The following WDR33 variants were observed in gnomAD, a reference collection of about 807,000 sequenced individuals.
The protein encoded by WDR33 is pre-mRNA 3' end processing protein WDR33.
WDR33 carries 47 observed loss-of-function variants against 164.9 expected under a neutral mutation model. The ratio of observed to expected loss-of-function variants is 0.29; its 90% confidence interval spans 0.23 to 0.36. The LOEUF (loss-of-function observed/expected upper bound fraction) is 0.36. WDR33 is among the 10% of genes least tolerant of loss of function. The pLI is 1.00. For synonymous variants in WDR33, 505 were observed against 589.0 expected (o/e 0.86, Z 2.06); for missense variants, 1,137 against 1,754.1 (o/e 0.65, Z 6.28).
At chr2:127,771,850 A>G (rs559796364) in intron 1 of WDR33, among the ~76,000 whole-genome samples, 1 of 152,230 alleles carries the variant, frequency 6.6e-6, no homozygotes, top group Non-Finnish European at 1.5e-5. Context: ...GCTAAGAGGC[A>G]TTTGATGTAA....
At chr2:127,733,845 T>C (rs1686771279) in intron 7 of WDR33, among the ~76,000 whole-genome samples, 1 of 152,232 alleles carries the variant, frequency 6.6e-6, no homozygotes, top group Non-Finnish European at 1.5e-5. Context: ...TATCTTTCAA[T>C]GATACCAGAG....
intron 1 of WDR33, among the ~76,000 whole-genome samples, chr2:127,803,947 CAAAAA>C (rs559652976): frequency 1.6e-5 from 1 of 61,908 alleles, no homozygotes; most frequent in Non-Finnish European, 3.4e-5. Flanking sequence ...GACCCAGTCT[CAAAAA>C]AAAAAAAAAA....
intron 7 of WDR33, among the ~76,000 whole-genome samples, chr2:127,756,776 C>T (rs898051731): frequency 6.6e-6 from 1 of 152,044 alleles, no homozygotes; most frequent in African/African-American, 2.4e-5. Flanking sequence ...AGGGATTTGT[C>T]ACTGCTAAGA....
chr2:127,718,695 G>C lies in WDR33; in HGVS notation c.2760+570C>G, dbSNP rs1243373085. Among the ~76,000 whole-genome samples the C allele has an allele frequency of 6.6e-6, 1 of 152,194 alleles. No individual in the cohort carries two copies. The highest frequency in any genetic ancestry group is 1.5e-5 in the Non-Finnish European group (1 of 68,042). Reference sequence around the variant, plus strand: ...TTCATCCAAAGGGTCACCATTTCCAGAATGCTCAATTCTGGAATAACAGTC... The same window carrying C: ...TTCATCCAAAGGGTCACCATTTCCACAATGCTCAATTCTGGAATAACAGTC... On this transcript the variant is annotated intron_variant, in intron 16 of 21. Coordinates refer to ENST00000322313, the MANE Select transcript of WDR33 (RefSeq NM_018383.5). The surrounding 1 kb of genome is among the most constrained non-coding windows in gnomAD (Gnocchi z 4.4).
chr2:127,795,976 A>G (rs1312185364), intron 1 of WDR33, among the ~76,000 whole-genome samples: 1 of 151,962 alleles, frequency 6.6e-6, no homozygotes, highest in Non-Finnish European at 1.5e-5. Context: ...GTTGCCTAAG[A>G]TATTTTGGGG....
chr2:127,706,363 G>A lies in WDR33; in HGVS notation c.3971C>T (p.Pro1324Leu), dbSNP rs373017355. Residue 1324 changes from proline to leucine, a missense_variant, in exon 22 of 22, where the codon CCG becomes CTG. Pro to Leu is a moderately conservative substitution (Grantham distance 98). Around this residue, in one of 9 missense-constraint regions of WDR33, gnomAD observed 867 missense variants for 1,073.0 expected, o/e 0.81. Transcript: ENST00000322313. This position sits in a 1 kb window ranked among gnomAD's most constrained non-coding sequence, Gnocchi z 5.1. The part of the protein sequence containing the change: ...GRGSNMNSGP[P>L]RRGASRGGGR... ...ACCACCCCGTGAAGCTCCTCGCCTC[G>A]GCGGGCCAGAGTTCATGTTACTCCC... 46 of 1,600,664 alleles carry A rather than the reference G, an allele frequency of 2.9e-5. No individual in the cohort carries two copies. Among genetic ancestry groups the A allele is most frequent in the South Asian group, 1.0e-4 (9 of 89,266 alleles).
At position 127,783,342 on chromosome 2, in the gene WDR33, C is replaced by A. The variant is rs143136122; in HGVS notation, c.-23-12338G>T. Among the ~76,000 whole-genome samples the A allele has an allele frequency of 7.3e-3, 1,115 of 152,246 alleles. 9 individuals are homozygous for A. The highest frequency in any genetic ancestry group is 0.012 in the Non-Finnish European group (842 of 68,034). On this transcript the variant is annotated intron_variant, in intron 1 of 21. Coordinates refer to ENST00000322313, the MANE Select transcript of WDR33 (RefSeq NM_018383.5). ...GTCTTCCTCATTAGAAGTAATAACT[C>A]AGTATTTCAAAAGTGTGATACTAGG...
At chr2:127,742,639 G>C (rs566097091) in intron 7 of WDR33, among the ~76,000 whole-genome samples, 1 of 150,494 alleles carries the variant, frequency 6.6e-6, no homozygotes, top group African/African-American at 2.4e-5. Flanking sequence ...CCAATACTTA[G>C]AGAAAGGGCA....
chr2:127,762,769 A>G, intron 7 of WDR33: 1 of 1,145,652 alleles, frequency 8.7e-7, no homozygotes, highest in Non-Finnish European at 1.1e-6. Context: ...CCCTGGCTAC[A>G]AGGAAGGAAA....
rs1341166262 is a variant in WDR33 at position 127,706,154 on chromosome 2, G to C, written c.*169C>G. 4 of 503,344 alleles carry C rather than the reference G, an allele frequency of 7.9e-6. No individual in the cohort carries two copies. The highest frequency in any genetic ancestry group is 1.3e-5 in the Non-Finnish European group (4 of 306,094). 31.2% of individuals were successfully genotyped at this position (503,344 alleles called of 1,614,324 possible). Reference sequence around the variant, plus strand: ...ACAGGGCCAGCCAGGCTGGTAGCTGGCAGCAGTCTCTTCATCTTGAAGACC... The same window carrying C: ...ACAGGGCCAGCCAGGCTGGTAGCTGCCAGCAGTCTCTTCATCTTGAAGACC... On this transcript the variant is annotated 3_prime_UTR_variant, in exon 22 of 22. Transcript: ENST00000322313. This position sits in a 1 kb window ranked among gnomAD's most constrained non-coding sequence, Gnocchi z 5.1.
chr2:127,762,665 C>G (rs1476179298), intron 7 of WDR33: 6 of 1,006,062 alleles, frequency 6.0e-6, no homozygotes, highest in African/African-American at 1.7e-5. Flanking sequence ...TTTGATACCT[C>G]TATCTTGTCG....
At position 127,719,953 on chromosome 2, in the gene WDR33, C is replaced by A; in HGVS notation, c.2072G>T (p.Gly691Val). 6.2e-7 allele frequency: 1 copy of A among 1,613,954 alleles called. No individual in the cohort carries two copies. Among genetic ancestry groups the A allele is most frequent in the South Asian group, 1.1e-5 (1 of 91,090 alleles). Residue 691 changes from glycine to valine, a missense_variant, in exon 16 of 22, where the codon GGG becomes GTG. By Grantham distance (109) the Gly-to-Val change is moderately radical (BLOSUM62 -3). Around this residue, in one of 9 missense-constraint regions of WDR33, gnomAD observed 867 missense variants for 1,073.0 expected, o/e 0.81. Transcript: ENST00000322313. This position sits in a 1 kb window ranked among gnomAD's most constrained non-coding sequence, Gnocchi z 6.5. Reference sequence around the variant, plus strand: ...AGAACTACCTTGTGGTCCAGGTGGCCCTTGAGGTCCCAAAGGGCCATGAGG... The same window carrying A: ...AGAACTACCTTGTGGTCCAGGTGGCACTTGAGGTCCCAAAGGGCCATGAGG... ...PGPHGPLGPQ[G>V]PPGPQGSSGP...
At chr2:127,733,821 C>A (rs1272072504) in intron 7 of WDR33, among the ~76,000 whole-genome samples, 3 of 152,136 alleles carry the variant, frequency 2.0e-5, no homozygotes, top group African/African-American at 7.2e-5. Context: ...CAATGAACAG[C>A]AACAACAAAA....
chr2:127,809,268 T>C (rs914586764), intron 1 of WDR33, among the ~76,000 whole-genome samples: 4 of 152,048 alleles, frequency 2.6e-5, no homozygotes, highest in African/African-American at 9.7e-5. Context: ...AAGTGCTTAG[T>C]AAAAATATAA....
rs1040199584 is a variant in WDR33, at chr2:127,722,327, TAC to T, written c.1518+262_1518+263del. Among the ~76,000 whole-genome samples, 10 of 152,196 alleles carry T rather than the reference TAC, an allele frequency of 6.6e-5. No homozygotes were observed. Among genetic ancestry groups the T allele is most frequent in the Non-Finnish European group, 1.3e-4 (9 of 68,038 alleles). ...GGAGAAGAGAAGCAACATACTCCCA[TAC>T]TCCCTCTGCTCCATGCCTCTTTCTT... On this transcript the variant is annotated intron_variant, in intron 14 of 21. Coordinates refer to ENST00000322313, the MANE Select transcript of WDR33 (RefSeq NM_018383.5). The surrounding 1 kb of genome is among the most constrained non-coding windows in gnomAD (Gnocchi z 5.1).
intron 1 of WDR33, among the ~76,000 whole-genome samples, chr2:127,780,284 C>T (rs932852220): frequency 1.3e-5 from 2 of 152,162 alleles, no homozygotes; most frequent in African/African-American, 4.8e-5. Flanking sequence ...ATTAACACTC[C>T]TGACCCCAGG....
chr2:127,778,676 A>T (rs1688269130), intron 1 of WDR33, among the ~76,000 whole-genome samples: 1 of 152,122 alleles, frequency 6.6e-6, no homozygotes, highest in Admixed American at 6.6e-5. Context: ...TTACAGCACC[A>T]ATCAGCCTTA....
intron 1 of WDR33, among the ~76,000 whole-genome samples, chr2:127,797,497 A>C (rs949355127): frequency 1.3e-5 from 2 of 152,202 alleles, no homozygotes; most frequent in Non-Finnish European, 1.5e-5. Context: ...GTCACACACA[A>C]AAAAAGATAT....
intron 7 of WDR33, among the ~76,000 whole-genome samples, chr2:127,754,007 G>A (rs761581426): frequency 5.9e-5 from 9 of 152,196 alleles, no homozygotes; most frequent in Non-Finnish European, 1.0e-4. Context: ...AGTTAGGCAA[G>A]TGTATAAATA....
Sources: allele counts gnomAD v4.1 joint callset (sites outside exome capture counted in the v4.1 genomes callset), GRCh38; gene constraint gnomAD v4.1.1; regional missense constraint gnomAD v4.1.1; non-coding constraint Gnocchi (gnomAD v3.1); transcripts MANE v1.5; gene names NCBI Gene and HGNC (gene_info 2026-07-23, HGNC 2026-07-21).